TENM3: variants seen among roughly 807,000 people sequenced by gnomAD.
TENM3 encodes teneurin transmembrane protein 3, also known as teneurin-3.
TENM3 carries 63 observed loss-of-function variants against 255.1 expected under a neutral mutation model. The ratio of observed to expected loss-of-function variants is 0.25; its 90% CI spans 0.20 to 0.30. The LOEUF is 0.30. TENM3 is among the 10% of genes least tolerant of loss of function. The pLI, the probability that TENM3 is intolerant of heterozygous loss-of-function variation, is 1.00. For missense variants in TENM3, 2,929 were observed against 3,461.1 expected, an observed-to-expected ratio of 0.85 and a Z score of 3.86; for synonymous variants, 1,306 against 1,322.3, an observed-to-expected ratio of 0.99 and a Z score of 0.27.
intron 3 of TENM3, among the ~76,000 whole-genome samples, chr4:182,464,861 A>AT (rs796952977): frequency 6.6e-6 from 1 of 152,094 alleles, no homozygotes; most frequent in Non-Finnish European, 1.5e-5. Context: ...TAAGACTAAT[A>AT]AAATTTTTTT....
intron 22 of TENM3, among the ~76,000 whole-genome samples, chr4:182,768,977 A>G (rs1414483912): frequency 2.6e-5 from 4 of 152,198 alleles, no homozygotes; most frequent in Admixed American, 2.0e-4. Flanking sequence ...TTGATGTTCT[A>G]TTCAAATTCC....
intron 1 of TENM3, among the ~76,000 whole-genome samples, chr4:182,163,736 G>T (rs1199880840): frequency 2.0e-5 from 3 of 152,144 alleles, no homozygotes; most frequent in African/African-American, 7.2e-5. Context: ...CTACTTTTCA[G>T]TTGTCCTTGA....
intron 3 of TENM3, among the ~76,000 whole-genome samples, chr4:182,410,937 C>T (rs545678338): frequency 1.2e-4 from 19 of 152,302 alleles, no homozygotes; most frequent in East Asian, 1.9e-4. Flanking sequence ...CCTACCTGTA[C>T]ATTAATGTTC....
chr4:182,099,293 A>T, the TENM3 span, among the ~76,000 whole-genome samples: 2 of 152,128 alleles, frequency 1.3e-5, no homozygotes, highest in African/African-American at 2.4e-5. Flanking sequence ...GTGTCCATAA[A>T]AATTTTAAAT....
the TENM3 span, among the ~76,000 whole-genome samples, chr4:181,909,517 C>G: frequency 1.3e-5 from 2 of 152,176 alleles, no homozygotes; most frequent in Non-Finnish European, 2.9e-5. Context: ...ACTCAGGGGG[C>G]AGACGTGGTG....
At chr4:182,455,692 G>A (rs1363408854) in intron 3 of TENM3, among the ~76,000 whole-genome samples, 1 of 151,424 alleles carries the variant, frequency 6.6e-6, no homozygotes, top group East Asian at 1.9e-4. Context: ...CTCCCGAGTA[G>A]CTGGGATTAC....
chr4:182,042,084 G>T, the TENM3 span, among the ~76,000 whole-genome samples: 1 of 152,080 alleles, frequency 6.6e-6, no homozygotes, highest in Non-Finnish European at 1.5e-5. Context: ...GTGTGGTGTG[G>T]TATGTGTGTG....
chr4:182,769,185 C>CA lies in TENM3; in HGVS notation c.4893-4286dup, dbSNP rs543595288. Among the ~76,000 whole-genome samples the CA allele has an allele frequency of 1.6e-4, 25 of 152,260 alleles. No homozygotes were observed. In the South Asian group the frequency reaches 5.2e-3, roughly 32 times the overall value. On this transcript the variant is annotated intron_variant, in intron 22 of 27. Transcript: ENST00000511685. The stretch of plus-strand genomic sequence containing the variant: ...GAAAGGTCTTTTTAAGACCTGGAGT[C>CA]AGAGTATTTCAGAGGCTAGCTGGAC...
At chr4:181,751,540 A>G in the TENM3 span, among the ~76,000 whole-genome samples, 1 of 151,918 alleles carries the variant, frequency 6.6e-6, no homozygotes, top group Non-Finnish European at 1.5e-5. Context: ...CTGCTTTCTG[A>G]TCCAGAACCG....
chr4:182,325,865 A>G (rs1387023526), intron 2 of TENM3, among the ~76,000 whole-genome samples: 4 of 152,218 alleles, frequency 2.6e-5, no homozygotes, highest in Admixed American at 1.3e-4. Flanking sequence ...TCTCCACACC[A>G]GGCAAGCATT....
At chr4:182,129,851 T>C in the TENM3 span, among the ~76,000 whole-genome samples, 30 of 152,236 alleles carry the variant, frequency 2.0e-4, 1 homozygote, top group East Asian at 5.8e-3. Flanking sequence ...AGCTTAAAAC[T>C]ATAACACTAT....
At chr4:182,256,075 G>T (rs1245580447) in intron 1 of TENM3, among the ~76,000 whole-genome samples, 1 of 152,136 alleles carries the variant, frequency 6.6e-6, no homozygotes, top group East Asian at 1.9e-4. Flanking sequence ...ACTCTTCACT[G>T]TCTCTTGGAT....
At chr4:181,690,247 C>T in the TENM3 span, among the ~76,000 whole-genome samples, 1 of 136,206 alleles carries the variant, frequency 7.3e-6, no homozygotes, top group African/African-American at 2.5e-5. Flanking sequence ...CGTGCACACA[C>T]ACACACACAC....
the TENM3 span, among the ~76,000 whole-genome samples, chr4:181,785,877 T>A: frequency 6.6e-6 from 1 of 152,012 alleles, no homozygotes; most frequent in African/African-American, 2.4e-5. Context: ...AGCGGAATAG[T>A]CTCACAGTGT....
intron 1 of TENM3, among the ~76,000 whole-genome samples, chr4:182,166,840 C>T (rs1348477898): frequency 1.3e-5 from 2 of 151,154 alleles, no homozygotes; most frequent in African/African-American, 4.9e-5. Context: ...CATGTTTACT[C>T]TTGTGAAATT....
intron 4 of TENM3, among the ~76,000 whole-genome samples, chr4:182,624,340 C>T (rs1750618353): frequency 2.0e-5 from 3 of 152,206 alleles, no homozygotes; most frequent in Non-Finnish European, 4.4e-5. Flanking sequence ...GGGACTACGT[C>T]GTTGGCCATG....
the TENM3 span, among the ~76,000 whole-genome samples, chr4:181,805,911 G>A: frequency 2.6e-5 from 4 of 152,034 alleles, no homozygotes; most frequent in African/African-American, 9.7e-5. Flanking sequence ...GAATAGCCTA[G>A]TATCTTCTCA....
chr4:181,812,986 A>G, the TENM3 span, among the ~76,000 whole-genome samples: 5 of 152,204 alleles, frequency 3.3e-5, no homozygotes, highest in Non-Finnish European at 7.3e-5. Flanking sequence ...TCTACCTTCC[A>G]TCTCTTGAAG....
chr4:182,463,692 C>T (rs1215039108), intron 3 of TENM3, among the ~76,000 whole-genome samples: 6 of 151,612 alleles, frequency 4.0e-5, no homozygotes, highest in Non-Finnish European at 7.4e-5. Flanking sequence ...GGCGCAATCT[C>T]GGCTCACCGC....
Sources: gnomAD v4.1 joint callset for allele counts (sites outside exome capture counted in the v4.1 genomes callset) on GRCh38, gnomAD v4.1.1 for gene constraint, MANE v1.5 for transcripts, NCBI Gene and HGNC (gene_info 2026-07-23, HGNC 2026-07-21) for gene names.